Variants in DCBLD1 observed in about 807,000 individuals in gnomAD.
The protein encoded by DCBLD1 is discoidin, CUB and LCCL domain-containing protein 1.
Under a neutral mutation model 71.5 loss-of-function variants are expected in DCBLD1, and 57 were observed. The observed-to-expected ratio is 0.80, with a 90% CI of 0.64 to 0.99. The LOEUF (loss-of-function observed/expected upper bound fraction) is 0.99, where lower values mean the gene tolerates loss of function less well. Among genes scored for constraint, DCBLD1 ranks in the 50% least tolerant of loss-of-function variants. DCBLD1 has a pLI of 0.00. For missense variants in DCBLD1, 891 were observed against 923.5 expected (o/e 0.96, Z 0.46); for synonymous variants, 380 against 363.8 (o/e 1.04, Z -0.51).
At chr6:117,566,229 A>G (rs1293953955) in intron 14 of DCBLD1, among the ~76,000 whole-genome samples, 1 of 152,198 alleles carries the variant, frequency 6.6e-6, no homozygotes, top group Non-Finnish European at 1.5e-5. Flanking sequence ...AAAAAAAGAC[A>G]AATGATGTCT....
intron 6 of DCBLD1, 60 bp from the exon 7 acceptor site, chr6:117,537,125 A>T: frequency 6.4e-7 from 1 of 1,556,006 alleles, no homozygotes; most frequent in East Asian, 2.2e-5. Context: ...ATGTAGCTAT[A>T]TTAGTCACTA....
chr6:117,529,347 T>C (rs1778641605), intron 5 of DCBLD1, among the ~76,000 whole-genome samples: 2 of 152,168 alleles, frequency 1.3e-5, no homozygotes, highest in South Asian at 4.1e-4. Flanking sequence ...TTTAATAAAA[T>C]ATAAATTATT....
chr6:117,512,873 G>A (rs1282096240), intron 2 of DCBLD1, among the ~76,000 whole-genome samples: 1 of 151,620 alleles, frequency 6.6e-6, no homozygotes, highest in Non-Finnish European at 1.5e-5. Context: ...TGACAGTATG[G>A]TAGTTAAAAA....
intron 14 of DCBLD1, among the ~76,000 whole-genome samples, chr6:117,557,373 T>C (rs1468644157): frequency 6.6e-6 from 1 of 151,762 alleles, no homozygotes; most frequent in Admixed American, 6.5e-5. Context: ...TTTAGGTATG[T>C]TCCTTTTAAA....
intron 12 of DCBLD1, 57 bp from the exon 13 acceptor site, chr6:117,544,469 GGA>G: frequency 6.4e-7 from 1 of 1,569,700 alleles, no homozygotes; most frequent in Non-Finnish European, 8.7e-7. Flanking sequence ...TGTTATATAG[GGA>G]GAGAGAGGCA....
At chr6:117,532,016 A>G (rs962813117) in intron 5 of DCBLD1, among the ~76,000 whole-genome samples, 1 of 152,198 alleles carries the variant, frequency 6.6e-6, no homozygotes, top group African/African-American at 2.4e-5. Context: ...CTGGGGCTCA[A>G]GAGTCTAAGG....
intron 1 of DCBLD1, among the ~76,000 whole-genome samples, chr6:117,487,006 G>A (rs571368041): frequency 6.6e-6 from 1 of 152,182 alleles, no homozygotes; most frequent in Admixed American, 6.5e-5. Context: ...AATGCCTGAT[G>A]ATCTGAGGTG....
Position 117,548,280 on chromosome 6 carries a change from G to C in DCBLD1, c.1989G>C (p.Arg663Ser). ...QRPHSAQPADRGYDRPKAVSA... is the reference protein window; with the variant it reads ...QRPHSAQPADSGYDRPKAVSA... ...CACACAGCGCACAGCCTGCGGACAG[G>C]GGCTACGACCGGCCCAAAGCTGTCA... Residue 663 changes from arginine (R) to serine (S), a missense_variant, in exon 15 of 15, where the codon AGG (arginine) becomes AGC (serine). Physicochemically the swap from Arg to Ser is moderately radical, Grantham distance 110. Transcript: ENST00000338728. 6.4e-7 allele frequency: 1 copy of C among 1,550,650 alleles called. No homozygotes were observed. Among genetic ancestry groups the C allele is most frequent in the Non-Finnish European group, 8.7e-7 (1 of 1,146,996 alleles).
intron 1 of DCBLD1, among the ~76,000 whole-genome samples, chr6:117,488,617 C>T (rs149224456): frequency 0.01 from 1,538 of 152,338 alleles, 12 homozygotes; most frequent in Non-Finnish European, 0.017. Flanking sequence ...CGTACTCCAG[C>T]CTGGGCAACA....
chr6:117,551,850 C>T (rs1355078194), downstream of DCBLD1, among the ~76,000 whole-genome samples: 1 of 152,082 alleles, frequency 6.6e-6, no homozygotes, highest in Non-Finnish European at 1.5e-5. Flanking sequence ...AAATATCAGG[C>T]CAGGCACGGT....
chr6:117,528,107 TAGG>T (rs1778601316), intron 5 of DCBLD1, among the ~76,000 whole-genome samples: 1 of 152,288 alleles, frequency 6.6e-6, no homozygotes, highest in South Asian at 2.1e-4. Flanking sequence ...CGCTGCAGTT[TAGG>T]AGGAGAAGGG....
At chr6:117,516,669 T>G (rs1778211225) in intron 2 of DCBLD1, among the ~76,000 whole-genome samples, 1 of 152,194 alleles carries the variant, frequency 6.6e-6, no homozygotes, top group African/African-American at 2.4e-5. Context: ...AGGACATACC[T>G]GAGACTGGGC....
At chr6:117,540,207 A>AT (rs147519826) in intron 9 of DCBLD1, 3,945 of 153,686 alleles carry the variant, frequency 0.026, 89 homozygotes, top group Non-Finnish European at 0.041. Context: ...AATACTTGTG[A>AT]TTTTCTTGGG....
intron 1 of DCBLD1, among the ~76,000 whole-genome samples, chr6:117,488,634 G>A (rs1445670630): frequency 6.6e-6 from 1 of 152,190 alleles, no homozygotes; most frequent in Non-Finnish European, 1.5e-5. Context: ...AACAGAGTGA[G>A]ACCTTGTCTC....
chr6:117,503,729 C>G, intron 1 of DCBLD1, 38 bp from the exon 2 acceptor site: 1 of 1,593,484 alleles, frequency 6.3e-7, no homozygotes, highest in Non-Finnish European at 8.6e-7. Context: ...ATTAATGACC[C>G]CTTCTTCTTT....
At chr6:117,486,707 T>C (rs2114351559) in intron 1 of DCBLD1, among the ~76,000 whole-genome samples, 1 of 152,346 alleles carries the variant, frequency 6.6e-6, no homozygotes, top group African/African-American at 2.4e-5. Flanking sequence ...AGAACTTTCC[T>C]AAGCACTTGA....
intron 6 of DCBLD1, among the ~76,000 whole-genome samples, chr6:117,535,492 T>C (rs1180400736): frequency 6.6e-6 from 1 of 152,184 alleles, no homozygotes; most frequent in Admixed American, 6.5e-5. Flanking sequence ...TATTAACCTA[T>C]AGAATTCTTT....
chr6:117,517,328 T>A (rs952761337), intron 2 of DCBLD1, among the ~76,000 whole-genome samples: 1 of 152,252 alleles, frequency 6.6e-6, no homozygotes, highest in East Asian at 1.9e-4. Flanking sequence ...CAGGTCATGC[T>A]GATGCAAGAG....
At chr6:117,531,212 A>G (rs1778709364) in intron 5 of DCBLD1, among the ~76,000 whole-genome samples, 1 of 152,254 alleles carries the variant, frequency 6.6e-6, no homozygotes, top group South Asian at 2.1e-4. Context: ...CATTAACAAA[A>G]AGAGAAATTC....
Sources: allele counts gnomAD v4.1 joint callset (sites outside exome capture counted in the v4.1 genomes callset), GRCh38; gene constraint gnomAD v4.1.1; transcripts MANE v1.5; gene names NCBI Gene and HGNC (gene_info 2026-07-23, HGNC 2026-07-21).